Variants in SLC30A8 observed in about 807,000 individuals in gnomAD.
SLC30A8 encodes proton-coupled zinc antiporter SLC30A8.
Under a neutral mutation model 36.9 loss-of-function variants are expected in SLC30A8, and 27 were observed. The ratio of observed to expected loss-of-function variants is 0.73; its 90% CI spans 0.54 to 1.01. The LOEUF is 1.01. SLC30A8 is among the 50% of genes least tolerant of loss of function. The pLI is 0.00. For synonymous variants in SLC30A8, 164 were observed against 172.4 expected (o/e 0.95, Z 0.38); for missense variants, 439 against 452.0 (o/e 0.97, Z 0.26).
chr8:116,967,435 G>C (rs1216072793), intron 1 of SLC30A8, among the ~76,000 whole-genome samples: 1 of 152,190 alleles, frequency 6.6e-6, no homozygotes, highest in Non-Finnish European at 1.5e-5. Context: ...ACGTTGCCCT[G>C]AAGATTGTCT....
At chr8:117,043,624 A>G (rs1817457613) in intron 2 of SLC30A8, among the ~76,000 whole-genome samples, 1 of 152,240 alleles carries the variant, frequency 6.6e-6, no homozygotes, top group Non-Finnish European at 1.5e-5. Context: ...CTGACACCAG[A>G]CACTTTTCCC....
chr8:117,119,256 C>T (rs546338390), intron 2 of SLC30A8, among the ~76,000 whole-genome samples: 5 of 151,882 alleles, frequency 3.3e-5, no homozygotes, highest in African/African-American at 1.2e-4. Context: ...CTTTGGCTGT[C>T]GTCTTCAACA....
chr8:116,962,288 A>C (rs1342541436), intron 1 of SLC30A8, among the ~76,000 whole-genome samples: 1 of 152,016 alleles, frequency 6.6e-6, no homozygotes, highest in African/African-American at 2.4e-5. Flanking sequence ...CTTATAGAGC[A>C]GTAACTAACA....
chr8:117,117,138 AG>A (rs991569997), intron 2 of SLC30A8, among the ~76,000 whole-genome samples: 1 of 152,018 alleles, frequency 6.6e-6, no homozygotes, highest in Non-Finnish European at 1.5e-5. Context: ...ATGAAGCAAA[AG>A]GGCTCTTCTG....
At chr8:117,029,283 C>A (rs1816961685) in intron 1 of SLC30A8, among the ~76,000 whole-genome samples, 3 of 152,158 alleles carry the variant, frequency 2.0e-5, no homozygotes, top group African/African-American at 7.2e-5. Context: ...ACTTTTAATA[C>A]TCAGGTCCTT....
intron 2 of SLC30A8, among the ~76,000 whole-genome samples, chr8:117,092,745 G>A (rs1404574364): frequency 6.6e-6 from 1 of 152,196 alleles, no homozygotes; most frequent in Non-Finnish European, 1.5e-5. Context: ...GAGGTTCCTC[G>A]TCTTGTTTGT....
At chr8:117,133,637 T>G (rs980522107), upstream of SLC30A8, among the ~76,000 whole-genome samples, 2 of 152,004 alleles carry the variant, frequency 1.3e-5, no homozygotes, top group Admixed American at 1.3e-4. Flanking sequence ...TCACTTGAAT[T>G]CTATTTCTCT....
chr8:117,169,336 G>A (rs547962305), intron 6 of SLC30A8, among the ~76,000 whole-genome samples: 1 of 152,238 alleles, frequency 6.6e-6, no homozygotes, highest in East Asian at 1.9e-4. Context: ...CTAAGCATGT[G>A]AGAGTTATTT....
chr8:117,126,135 A>G (rs994481321), intron 2 of SLC30A8, among the ~76,000 whole-genome samples: 7 of 151,994 alleles, frequency 4.6e-5, no homozygotes, highest in African/African-American at 1.7e-4. Context: ...TATGGCAAAA[A>G]ACGTCCAATC....
intron 1 of SLC30A8, among the ~76,000 whole-genome samples, chr8:117,026,215 A>G (rs1816866069): frequency 6.6e-6 from 1 of 152,214 alleles, no homozygotes; most frequent in African/African-American, 2.4e-5. Flanking sequence ...TGACATGTCA[A>G]CATTTTTGAA....
intron 4 of SLC30A8, among the ~76,000 whole-genome samples, chr8:117,158,653 C>CA (rs1822624602): frequency 6.6e-6 from 1 of 152,156 alleles, no homozygotes; most frequent in Non-Finnish European, 1.5e-5. Context: ...CTACCTTTCC[C>CA]AAAATGAACT....
chr8:117,081,809 GT>G (rs1426070745), intron 2 of SLC30A8, among the ~76,000 whole-genome samples: 3 of 152,174 alleles, frequency 2.0e-5, no homozygotes, highest in Admixed American at 2.0e-4. Flanking sequence ...AAAAATATGT[GT>G]TTGTGGCCAG....
chr8:117,076,583 G>A (rs1042638284), intron 2 of SLC30A8, among the ~76,000 whole-genome samples: 54 of 152,116 alleles, frequency 3.5e-4, no homozygotes, highest in African/African-American at 1.3e-3. Flanking sequence ...GGAAGAACCA[G>A]GCTATTATTA....
At chr8:117,119,265 C>T (rs932007562) in intron 2 of SLC30A8, among the ~76,000 whole-genome samples, 1 of 151,936 alleles carries the variant, frequency 6.6e-6, no homozygotes, top group Non-Finnish European at 1.5e-5. Context: ...TCGTCTTCAA[C>T]ACCTTTAGTT....
chr8:116,958,936 G>A (rs561551027), intron 1 of SLC30A8, among the ~76,000 whole-genome samples: 4 of 123,772 alleles, frequency 3.2e-5, no homozygotes, highest in Non-Finnish European at 4.7e-5. Context: ...TGCCACCTCC[G>A]CCTCTCGGGT....
At chr8:116,991,547 G>A (rs113325437) in intron 1 of SLC30A8, among the ~76,000 whole-genome samples, 4 of 152,088 alleles carry the variant, frequency 2.6e-5, no homozygotes, top group South Asian at 2.1e-4. Context: ...TCAGGTGATC[G>A]CCCATCTTGG....
chr8:116,973,560 C>T (rs1445530609), intron 1 of SLC30A8, among the ~76,000 whole-genome samples: 1 of 152,156 alleles, frequency 6.6e-6, no homozygotes, highest in East Asian at 1.9e-4. Flanking sequence ...AATGGAAGAA[C>T]ATTCCATGCT....
At chr8:117,161,651 T>C (rs147809053) in intron 4 of SLC30A8, 87 bp from the exon 5 acceptor site, 9 of 1,282,634 alleles carry the variant, frequency 7.0e-6, no homozygotes, top group African/African-American at 5.9e-5. Flanking sequence ...TTTTGGATAA[T>C]GCATGTTATT....
intron 2 of SLC30A8, among the ~76,000 whole-genome samples, chr8:117,072,653 C>G (rs1818365380): frequency 1.3e-5 from 2 of 151,938 alleles, no homozygotes; most frequent in Non-Finnish European, 2.9e-5. Flanking sequence ...CATCACCTAC[C>G]TTTGATTTTA....
Sources: allele counts gnomAD v4.1 joint callset (sites outside exome capture counted in the v4.1 genomes callset), GRCh38; gene constraint gnomAD v4.1.1; transcripts MANE v1.5; gene names NCBI Gene and HGNC (gene_info 2026-07-23, HGNC 2026-07-21).